Variants in RANBP2 observed in about 807,000 individuals in gnomAD.
RANBP2 encodes the protein RAN binding protein 2.
In RANBP2, 57 loss-of-function variants were observed where a neutral mutation model predicts 303.6. The ratio of observed to expected loss-of-function variants is 0.19; its 90% CI spans 0.15 to 0.23. The LOEUF (loss-of-function observed/expected upper bound fraction) is 0.23, where lower values mean the gene tolerates loss of function less well. Ranked by LOEUF, RANBP2 falls within the 10% of genes least tolerant of loss-of-function variation. The pLI, the probability that RANBP2 is intolerant of heterozygous loss-of-function variation, is 1.00. For missense variants in RANBP2, 3,138 were observed against 3,780.8 expected (o/e 0.83, Z 4.46); for synonymous variants, 1,167 against 1,301.5 (o/e 0.90, Z 2.23).
chr2:109,729,764 G>C, the RANBP2 span, among the ~76,000 whole-genome samples: 27 of 152,172 alleles, frequency 1.8e-4, no homozygotes, highest in African/African-American at 6.0e-4. Flanking sequence ...AGTGCAGTGC[G>C]GTGGTATATT....
chr2:109,251,761 C>T, the RANBP2 span: 1 of 577,408 alleles, frequency 1.7e-6, no homozygotes, highest in South Asian at 2.2e-5. Flanking sequence ...GTTAAATAAA[C>T]TTTTGTAATA....
At chr2:108,962,196 T>C in the RANBP2 span, among the ~76,000 whole-genome samples, 1,199 of 152,326 alleles carry the variant, frequency 7.9e-3, 10 homozygotes, top group South Asian at 0.029. Flanking sequence ...GATGGCGCAT[T>C]GCAGATTGCG....
the RANBP2 span, among the ~76,000 whole-genome samples, chr2:109,518,031 C>T: frequency 1.4e-4 from 21 of 152,222 alleles, no homozygotes; most frequent in African/African-American, 4.8e-4. Context: ...CCTGCAGATA[C>T]GAGCTGCAAC....
the RANBP2 span, among the ~76,000 whole-genome samples, chr2:109,220,409 G>GA: frequency 6.6e-6 from 1 of 151,952 alleles, no homozygotes; most frequent in African/African-American, 2.4e-5. Flanking sequence ...GGCAATACAA[G>GA]AAAAAAATAC....
the RANBP2 span, among the ~76,000 whole-genome samples, chr2:108,808,542 A>G: frequency 6.6e-6 from 1 of 152,196 alleles, no homozygotes; most frequent in Non-Finnish European, 1.5e-5. Context: ...TGTCTTTTTC[A>G]TAGCCTTTCT....
At chr2:109,160,358 A>C in the RANBP2 span, among the ~76,000 whole-genome samples, 1 of 152,236 alleles carries the variant, frequency 6.6e-6, no homozygotes, top group Non-Finnish European at 1.5e-5. Context: ...AAGGCAAGAA[A>C]CACATTTGTG....
intron 18 of RANBP2, among the ~76,000 whole-genome samples, chr2:108,760,878 T>G (rs557553886): frequency 4.6e-5 from 7 of 152,302 alleles, no homozygotes; most frequent in African/African-American, 1.7e-4. Flanking sequence ...TTTTTTGACC[T>G]GAACATTCTC....
At chr2:109,005,916 C>T in the RANBP2 span, among the ~76,000 whole-genome samples, 1 of 152,200 alleles carries the variant, frequency 6.6e-6, no homozygotes, top group African/African-American at 2.4e-5. Context: ...TATCCAATTC[C>T]CAGGGCTTCG....
chr2:108,993,926 A>C, the RANBP2 span, among the ~76,000 whole-genome samples: 1 of 152,146 alleles, frequency 6.6e-6, no homozygotes, highest in African/African-American at 2.4e-5. Context: ...GTGTCTGGTC[A>C]TCTCCCATGG....
the RANBP2 span, among the ~76,000 whole-genome samples, chr2:109,363,403 T>C: frequency 6.6e-6 from 1 of 152,220 alleles, no homozygotes; most frequent in Non-Finnish European, 1.5e-5. Context: ...GATTCATTTC[T>C]CTTGTACATG....
the RANBP2 span, among the ~76,000 whole-genome samples, chr2:109,253,321 G>C: frequency 4.6e-5 from 7 of 152,176 alleles, no homozygotes; most frequent in Middle Eastern, 3.2e-3. Context: ...GCCCGGCCTA[G>C]CCTTTAAATT....
At chr2:109,201,368 C>T in the RANBP2 span, among the ~76,000 whole-genome samples, 1 of 152,242 alleles carries the variant, frequency 6.6e-6, no homozygotes, top group African/African-American at 2.4e-5. Context: ...GGGCTTTGGG[C>T]CTTGGCCCCT....
chr2:109,155,659 G>A, the RANBP2 span, among the ~76,000 whole-genome samples: 1 of 152,140 alleles, frequency 6.6e-6, no homozygotes, highest in Non-Finnish European at 1.5e-5. Context: ...AGCAGTGCCT[G>A]GCCTGTAACT....
At chr2:108,902,270 G>A in the RANBP2 span, among the ~76,000 whole-genome samples, 2 of 152,102 alleles carry the variant, frequency 1.3e-5, no homozygotes, top group Non-Finnish European at 2.9e-5. Context: ...CAGCTACTTG[G>A]GAGGCTGAGG....
the RANBP2 span, among the ~76,000 whole-genome samples, chr2:109,052,093 A>G: frequency 1.3e-5 from 2 of 152,228 alleles, no homozygotes; most frequent in Non-Finnish European, 2.9e-5. Flanking sequence ...CTTGCAAATA[A>G]TTGGTGTTTA....
chr2:109,301,329 GT>G, the RANBP2 span, among the ~76,000 whole-genome samples: 1 of 99,552 alleles, frequency 1.0e-5, no homozygotes, highest in Admixed American at 1.0e-4. Context: ...CTGTGTATCT[GT>G]GTGACGTGTG....
the RANBP2 span, among the ~76,000 whole-genome samples, chr2:109,560,152 C>T: frequency 3.3e-4 from 51 of 152,246 alleles, 2 homozygotes; most frequent in South Asian, 0.01. Flanking sequence ...GATCTCCTGA[C>T]CTCGTGATCC....
chr2:109,239,361 G>T, the RANBP2 span, among the ~76,000 whole-genome samples: 45,422 of 152,054 alleles, frequency 0.3, 7,669 homozygotes, highest in Non-Finnish European at 0.39. Context: ...CATTTCCAAA[G>T]TAGTCATTTC....
chr2:109,719,497 C>A, the RANBP2 span, among the ~76,000 whole-genome samples: 4 of 151,208 alleles, frequency 2.6e-5, no homozygotes, highest in Non-Finnish European at 4.4e-5. Flanking sequence ...ACCTCTGGCT[C>A]CCCGGTTCAA....
Sources: gnomAD v4.1 joint callset for allele counts (sites outside exome capture counted in the v4.1 genomes callset) on GRCh38, gnomAD v4.1.1 for gene constraint, MANE v1.5 for transcripts, NCBI Gene and HGNC (gene_info 2026-07-23, HGNC 2026-07-21) for gene names.